BCOR: variants seen among roughly 807,000 people sequenced by gnomAD.
BCOR encodes BCL-6 corepressor.
Under a neutral mutation model 86.7 loss-of-function variants are expected in BCOR, and 10 were observed. The ratio of observed to expected loss-of-function variants is 0.12; its 90% CI spans 0.07 to 0.20. The LOEUF is 0.20. Ranked by LOEUF, BCOR falls within the 10% of genes least tolerant of loss-of-function variation. The pLI, the probability that BCOR is intolerant of heterozygous loss-of-function variation, is 1.00. For synonymous variants in BCOR, 611 were observed against 609.0 expected (o/e 1.00, Z -0.05); for missense variants, 1,259 against 1,452.1 (o/e 0.87, Z 2.16).
chrX:40,070,562 G>A (rs184459771), intron 6 of BCOR, among the ~76,000 whole-genome samples: 1 of 111,666 alleles, frequency 9.0e-6, no homozygotes, highest in African/African-American at 3.3e-5. Context: ...TCATCTTTAT[G>A]GTGACTTCAC....
intron 1 of BCOR, among the ~76,000 whole-genome samples, chrX:40,149,139 A>T (rs891468153): frequency 9.4e-6 from 1 of 106,908 alleles, no homozygotes; most frequent in African/African-American, 3.4e-5. Context: ...GATTTCAGAG[A>T]TCTCGTATCC....
At position 40,074,817 on chromosome X, in the gene BCOR, T is replaced by C. The variant is rs1377914888; in HGVS notation, c.529A>G (p.Ser177Gly). ...CTAGCACCATTGATGTTGAGAGGGC[T>C]CTGTTTGTCGCTGGCAGGCCTGTCC... ...GLDRPASDKQSPLNINGASYL... is the reference protein window; with the variant it reads ...GLDRPASDKQGPLNINGASYL... Residue 177 changes from serine (S) to glycine (G), a missense_variant, in exon 4 of 15, where the codon AGC becomes GGC. Around this residue, in one of 7 missense-constraint regions of BCOR, gnomAD observed 174 missense variants for 189.3 expected, o/e 0.92. Transcript: ENST00000378444. The C allele has an allele frequency of 8.3e-7, 1 of 1,209,852 alleles. No homozygotes were observed. Among genetic ancestry groups the C allele is most frequent in the Non-Finnish European group, 1.1e-6 (1 of 895,147 alleles).
At position 40,116,330 on chromosome X, in the gene BCOR, T is replaced by A. The variant is rs899855681; in HGVS notation, c.-40-38361A>T. On this transcript the variant is annotated intron_variant, in intron 1 of 14. Coordinates refer to the BCOR transcript ENST00000342274. ...GGCTAACACCGTGAAACCCCGTCTC[T>A]ACTAAAAATACAAAAAATTAGCCAT... Among the ~76,000 whole-genome samples, 3 of 110,176 alleles carry A rather than the reference T, an allele frequency of 2.7e-5. No homozygotes were observed. In the Admixed American group the frequency reaches 2.9e-4, roughly 11 times the overall value.
At chrX:40,156,293 C>G (rs1033673479) in intron 1 of BCOR, among the ~76,000 whole-genome samples, 6 of 111,650 alleles carry the variant, frequency 5.4e-5, no homozygotes, top group Non-Finnish European at 1.1e-4. Context: ...GAGGCGGGGT[C>G]GGACTGGGCT....
chrX:40,102,013 C>T (rs1489875222), upstream of BCOR, among the ~76,000 whole-genome samples: 1 of 112,170 alleles, frequency 8.9e-6, no homozygotes, highest in Non-Finnish European at 1.9e-5. Flanking sequence ...CCCCATCCTC[C>T]AAGCACAAGG....
intron 1 of BCOR, among the ~76,000 whole-genome samples, chrX:40,124,297 G>A (rs1348365142): frequency 9.1e-6 from 1 of 109,318 alleles, no homozygotes; most frequent in South Asian, 4.0e-4. Flanking sequence ...CTTTGAGACA[G>A]CATCTCACTC....
At chrX:40,151,273 T>C (rs2147987481) in intron 1 of BCOR, among the ~76,000 whole-genome samples, 1 of 112,660 alleles carries the variant, frequency 8.9e-6, no homozygotes, top group East Asian at 2.8e-4. Context: ...GCCCAAGTGC[T>C]GACAGGGATT....
Position 40,074,938 on chromosome X carries a change from G to C in BCOR, c.408C>G (p.Ala136=). The change falls in exon 4 of 15, where the codon GCC becomes GCG. Residue 136 remains alanine (A), a synonymous_variant. Transcript: ENST00000378444. ...PNTPETVEAS[A]VSGKPPNGFS... is the part of the protein sequence containing the mutation. ...AGCCATTTGGGGGTTTTCCAGAGACGGCAGAAGCCTCCACTGTCTCGGGTG... is the reference window on the plus strand; with the variant it reads ...AGCCATTTGGGGGTTTTCCAGAGACCGCAGAAGCCTCCACTGTCTCGGGTG... 1 of 1,211,087 alleles carries C rather than the reference G, an allele frequency of 8.3e-7. No individual in the cohort carries two copies. The highest frequency in any genetic ancestry group is 1.1e-6 in the Non-Finnish European group (1 of 895,310).
chrX:40,126,728 G>A (rs1937549382), intron 1 of BCOR, among the ~76,000 whole-genome samples: 1 of 109,886 alleles, frequency 9.1e-6, no homozygotes, highest in Non-Finnish European at 1.9e-5. Flanking sequence ...GGTGGCGTGC[G>A]CCTGTGGTCC....
chrX:40,073,579 T>G lies in BCOR; in HGVS notation c.1767A>C (p.Glu589Asp). The change falls in exon 4 of 15, where the codon GAA (glutamate) becomes GAC (aspartate). Residue 589 changes from glutamate (E) to aspartate (D), a missense_variant. This residue lies in a region of BCOR where 534 missense variants were observed against 594.8 expected (regional missense o/e 0.90). Coordinates refer to ENST00000378444, the MANE Select transcript of BCOR (RefSeq NM_001123385.2). The part of the protein sequence containing the change: ...DGTKTSRSSV[E>D]TTPSVIQHVG... Reference sequence around the variant, plus strand: ...CGTGCTGAATAACGGATGGTGTGGTTTCTACAGAGCTCCTGCTGGTTTTGG... The same window carrying G: ...CGTGCTGAATAACGGATGGTGTGGTGTCTACAGAGCTCCTGCTGGTTTTGG... 2 of 1,212,062 alleles carry G rather than the reference T, an allele frequency of 1.7e-6. No individual in the cohort carries two copies. The highest frequency in any genetic ancestry group is 2.2e-6 in the Non-Finnish European group (2 of 895,599).
intron 1 of BCOR, among the ~76,000 whole-genome samples, chrX:40,080,339 G>A (rs1290149425): frequency 9.0e-6 from 1 of 110,796 alleles, no homozygotes; most frequent in Non-Finnish European, 1.9e-5. Context: ...TACTCGGGAG[G>A]CTGAGGCAGG....
At chrX:40,122,602 T>A (rs1236704880) in intron 1 of BCOR, among the ~76,000 whole-genome samples, 4 of 112,117 alleles carry the variant, frequency 3.6e-5, no homozygotes, top group African/African-American at 1.3e-4. Context: ...GCACAATTCC[T>A]GCTGAGGGAC....
intron 1 of BCOR, among the ~76,000 whole-genome samples, chrX:40,128,597 T>C (rs979901918): frequency 8.9e-6 from 1 of 112,138 alleles, no homozygotes; most frequent in East Asian, 2.8e-4. Context: ...GCTTACTGAT[T>C]CCAATTCTAG....
At chrX:40,138,045 C>T (rs1011368805) in intron 1 of BCOR, among the ~76,000 whole-genome samples, 4 of 111,505 alleles carry the variant, frequency 3.6e-5, no homozygotes, top group East Asian at 2.8e-4. Context: ...CTCCGCCTTC[C>T]GGGTTCAAGT....
intron 1 of BCOR, among the ~76,000 whole-genome samples, chrX:40,082,072 C>A (rs1004319250): frequency 2.7e-5 from 3 of 112,447 alleles, no homozygotes; most frequent in Non-Finnish European, 3.8e-5. Context: ...GGCCCGGACA[C>A]GGGGGAGAAG....
Position 40,061,335 on chromosome X carries a change from G to A in BCOR, c.4428+804C>T, listed in dbSNP as rs1187640124. Among the ~76,000 whole-genome samples, 7 of 111,643 alleles carry A rather than the reference G, an allele frequency of 6.3e-5. No individual in the cohort carries two copies. The South Asian group carries it at 2.6e-3, about 42-fold the overall frequency. ...CCTGGAGAGGAGCCGAGTTTGGGGGGATGGGGGGAGACTGGGCTTTGGAGC... is the reference window on the plus strand; with the variant it reads ...CCTGGAGAGGAGCCGAGTTTGGGGGAATGGGGGGAGACTGGGCTTTGGAGC... On this transcript the variant is annotated intron_variant, in intron 10 of 14. Coordinates refer to ENST00000378444, the MANE Select transcript of BCOR (RefSeq NM_001123385.2).
Position 40,072,927 on chromosome X carries a change from C to G in BCOR, c.2419G>C (p.Asp807His), listed in dbSNP as rs1555918075. 1 of 1,211,580 alleles carries G rather than the reference C, an allele frequency of 8.3e-7. No homozygotes were observed. The highest frequency in any genetic ancestry group is 2.2e-5 in the Admixed American group (1 of 46,056). The change falls in exon 4 of 15, where the codon GAC becomes CAC. Residue 807 changes from aspartate to histidine, a missense_variant. Around this residue, in one of 7 missense-constraint regions of BCOR, gnomAD observed 534 missense variants for 594.8 expected, o/e 0.90. Transcript: ENST00000378444. ...VVKSDKLVYV[D>H]LLREEPDAKT... ...GCATCTGGTTCTTCTCGGAGAAGGTCTACGTAGACAAGCTTGTCGCTTTTG... is the reference window on the plus strand; with the variant it reads ...GCATCTGGTTCTTCTCGGAGAAGGTGTACGTAGACAAGCTTGTCGCTTTTG...
rs763649282 is a variant in BCOR at position 40,057,095 on chromosome X, G to A, written c.4595+60C>T. 2.2e-5 allele frequency: 26 copies of A among 1,161,691 alleles called. No homozygotes were observed. In the South Asian group the frequency reaches 2.7e-4, roughly 12 times the overall value. ...CCCGTATACACTGAGAACCACCACC[G>A]CACAGATAGGGAAGCTTGGTCTCAG... On this transcript the variant is annotated intron_variant, in intron 11 of 14. Transcript: ENST00000378444.
intron 1 of BCOR, among the ~76,000 whole-genome samples, chrX:40,176,585 GC>G (rs1938759938): frequency 8.9e-6 from 1 of 112,042 alleles, no homozygotes; most frequent in African/African-American, 3.2e-5. Flanking sequence ...CCGTGTCCCT[GC>G]CCCCGCCCCC....
Sources: gnomAD v4.1 joint callset for allele counts (sites outside exome capture counted in the v4.1 genomes callset) on GRCh38, gnomAD v4.1.1 for gene constraint, gnomAD v4.1.1 regional missense constraint, MANE v1.5 for transcripts, NCBI Gene and HGNC (gene_info 2026-07-23, HGNC 2026-07-21) for gene names.